Variants in TMC6 observed in about 807,000 individuals in gnomAD.
TMC6 encodes the protein transmembrane channel like 6.
In TMC6, 71 loss-of-function variants were observed where a neutral mutation model predicts 95.4. The ratio of observed to expected loss-of-function variants is 0.74; its 90% CI spans 0.61 to 0.91. The LOEUF is 0.91. Among genes scored for constraint, TMC6 ranks in the 40% least tolerant of loss-of-function variants. The pLI, the probability that TMC6 is intolerant of heterozygous loss-of-function variation, is 0.00. For synonymous variants in TMC6, 514 were observed against 483.1 expected (o/e 1.06, Z -0.84); for missense variants, 1,074 against 1,079.1 (o/e 1.00, Z 0.07).
At chr17:78,116,039 T>C (rs2074090574) in intron 18 of TMC6, among the ~76,000 whole-genome samples, 1 of 151,998 alleles carries the variant, frequency 6.6e-6, no homozygotes, top group Non-Finnish European at 1.5e-5. Context: ...CCTCAGCAAC[T>C]CGCTCTGTCG....
intron 18 of TMC6, among the ~76,000 whole-genome samples, chr17:78,114,866 C>T (rs953911397): frequency 7.9e-5 from 12 of 152,022 alleles, no homozygotes; most frequent in Non-Finnish European, 1.5e-4. Context: ...GGGTAGACAC[C>T]ACAGCCAGCA....
rs1272120073 is a variant in TMC6 at position 78,124,506 on chromosome 17, G to C, written c.891+18C>G. 4.4e-6 allele frequency: 7 copies of C among 1,606,966 alleles called. No individual in the cohort carries two copies. Among genetic ancestry groups the C allele is most frequent in the Non-Finnish European group, 5.9e-6 (7 of 1,179,742 alleles). ...GAAGACAGGCACCCCCCGTCCCCCA[G>C]TCCTAGGGCTTCCTCACCGCGCCTG... is the stretch of plus-strand genomic sequence containing the variant. On this transcript the variant is annotated intron_variant, in intron 8 of 19. Coordinates refer to ENST00000590602, the MANE Select transcript of TMC6 (RefSeq NM_001127198.5).
intron 5 of TMC6, 78 bp from the exon 6 acceptor site, chr17:78,125,341 CTG>C: frequency 7.7e-7 from 1 of 1,292,738 alleles, no homozygotes; most frequent in Non-Finnish European, 1.1e-6. Flanking sequence ...CTGGTCAGGC[CTG>C]TGTGTCCCTG....
chr17:78,114,636 G>A (rs1269705219), intron 18 of TMC6, among the ~76,000 whole-genome samples: 1 of 150,258 alleles, frequency 6.7e-6, no homozygotes, highest in Non-Finnish European at 1.5e-5. Flanking sequence ...GTTCTGTCAA[G>A]AGCCACACGG....
In TMC6 at chr17:78,109,323, T is replaced by C. The variant is rs2144776237; in HGVS notation, c.*3825A>G. The C allele has an allele frequency of 2.6e-6, 1 of 383,478 alleles. No individual in the cohort carries two copies. The highest frequency in any genetic ancestry group is 7.4e-5 in the East Asian group (1 of 13,566). 23.8% of individuals were successfully genotyped at this position (383,478 alleles called of 1,614,324 possible). The stretch of plus-strand genomic sequence containing the variant: ...ACAGTGGGGCATCCCGAGAAGATCC[T>C]CTGCAGGAGTGCGGTGTCTACGGAT... On this transcript the variant is annotated 3_prime_UTR_variant, in exon 20 of 20. Coordinates refer to ENST00000590602, the MANE Select transcript of TMC6 (RefSeq NM_001127198.5).
At chr17:78,131,609 G>A (rs1287980616), upstream of TMC6, 7 of 1,548,474 alleles carry the variant, frequency 4.5e-6, no homozygotes, top group South Asian at 4.8e-5. Context: ...CGCGGTCGGT[G>A]TCATCGGAGC....
At chr17:78,123,851 G>A (rs1429681632) in intron 9 of TMC6, 138 bp downstream of exon 9, 11 of 1,168,190 alleles carry the variant, frequency 9.4e-6, no homozygotes, top group Non-Finnish European at 1.2e-5. Context: ...GTGGATAGTT[G>A]GATAGGTGAG....
chr17:78,108,300 C>G lies in TMC6; in HGVS notation c.*4848G>C, dbSNP rs976132450. The G allele has an allele frequency of 2.8e-4, 44 of 154,462 alleles. No homozygotes were observed. The highest frequency in any genetic ancestry group is 1.0e-3 in the African/African-American group (43 of 41,480). 9.6% of individuals were successfully genotyped at this position (154,462 alleles called of 1,614,324 possible). A position where few individuals can be genotyped will look rare whatever the true frequency, so the allele number is the denominator to read the frequency against. Reference sequence around the variant, plus strand: ...TGGTGTGCTGCTGGCTCTGACCATACTCTTTTGGAAATTGAGAAGGAAAGC... The same window carrying G: ...TGGTGTGCTGCTGGCTCTGACCATAGTCTTTTGGAAATTGAGAAGGAAAGC... On this transcript the variant is annotated 3_prime_UTR_variant, in exon 20 of 20. Coordinates refer to ENST00000590602, the MANE Select transcript of TMC6 (RefSeq NM_001127198.5).
intron 5 of TMC6, 102 bp from the exon 6 acceptor site, chr17:78,125,365 C>A: frequency 9.6e-7 from 1 of 1,047,080 alleles, no homozygotes; most frequent in Non-Finnish European, 1.4e-6. Flanking sequence ...GGCACCGTCC[C>A]GAGACACCTC....
intron 13 of TMC6, chr17:78,119,952 A>C (rs868197168): frequency 4.5e-5 from 16 of 353,416 alleles, no homozygotes; most frequent in South Asian, 1.6e-4. Context: ...CGGGCCTCCT[A>C]CTGATTTTTT....
upstream of TMC6, chr17:78,132,318 C>T (rs531747560): frequency 1.2e-6 from 2 of 1,609,284 alleles, no homozygotes; most frequent in East Asian, 2.2e-5. Flanking sequence ...GCCCCAGCCC[C>T]GGCCCCGGCC....
intron 12 of TMC6, 49 bp from the exon 13 acceptor site, chr17:78,120,881 A>C: frequency 6.2e-7 from 1 of 1,610,898 alleles, no homozygotes; most frequent in Non-Finnish European, 8.5e-7. Context: ...AGGGGACAGA[A>C]GATGCACCCC....
Position 78,117,800 on chromosome 17 carries a change from A to G in TMC6, c.2021+2T>C, listed in dbSNP as rs775879223. ...GGGTCTCCCTCCACCCGCCCCACTC[A>G]CTGCCAGACGGCGTAGCAGAGGAAG... is the stretch of plus-strand genomic sequence containing the variant. On this transcript the variant is annotated splice_donor_variant, in intron 16 of 19. Coordinates refer to ENST00000590602, the MANE Select transcript of TMC6 (RefSeq NM_001127198.5). LOFTEE classifies it high-confidence loss of function. 1 of 1,605,780 alleles carries G rather than the reference A, an allele frequency of 6.2e-7. No individual in the cohort carries two copies.
At chr17:78,127,041 G>A (rs1008740733) in intron 1 of TMC6, 135 bp from the exon 2 acceptor site, 3 of 643,578 alleles carry the variant, frequency 4.7e-6, no homozygotes, top group East Asian at 2.7e-5. Flanking sequence ...ATCACCCCAG[G>A]TACATAAATG....
rs1389564735 is a variant in TMC6 at position 78,126,839 on chromosome 17, G to A, written c.-7C>T. 1.2e-6 allele frequency: 2 copies of A among 1,612,036 alleles called. No individual in the cohort carries two copies. Among genetic ancestry groups the A allele is most frequent in the Non-Finnish European group, 1.7e-6 (2 of 1,179,830 alleles). On this transcript the variant is annotated 5_prime_UTR_variant, in exon 2 of 20. Transcript: ENST00000590602. ...AGGCCAGTGGCTGGGCCATGTCTCT[G>A]GCCAATGCCCGCTAGTCTGCAGACC...
intron 18 of TMC6, among the ~76,000 whole-genome samples, chr17:78,116,334 T>C (rs1034798668): frequency 6.7e-6 from 1 of 149,332 alleles, no homozygotes; most frequent in Non-Finnish European, 1.5e-5. Context: ...TGGAGCGCAG[T>C]GGCACAATCA....
chr17:78,131,141 A>C, upstream of TMC6: 1 of 246,626 alleles, frequency 4.1e-6, no homozygotes. Context: ...TGCCACGTGG[A>C]GAAGAGAGGG....
At position 78,113,196 on chromosome 17, in the gene TMC6, C is replaced by A; in HGVS notation, c.2370G>T (p.Glu790Asp). Residue 790 changes from glutamate to aspartate, a missense_variant, in exon 20 of 20, where the codon GAG becomes GAT. Physicochemically the swap from Glu to Asp is conservative, Grantham distance 45. Coordinates refer to ENST00000590602, the MANE Select transcript of TMC6 (RefSeq NM_001127198.5). ...GCAGGGCAGGGGGTGCCGCAGCCTC[C>A]TCGGTTGTCCCAACCCTGCCAGAAA... Reference protein sequence around the residue: ...REERSRVGTTEEAAAPPALLT... With the variant: ...REERSRVGTTDEAAAPPALLT... The A allele has an allele frequency of 6.4e-7, 1 of 1,556,906 alleles. No individual in the cohort carries two copies. Among genetic ancestry groups the A allele is most frequent in the East Asian group, 2.4e-5 (1 of 42,264 alleles).
intron 18 of TMC6, among the ~76,000 whole-genome samples, chr17:78,115,433 G>A (rs1013955789): frequency 6.6e-6 from 1 of 152,184 alleles, no homozygotes; most frequent in African/African-American, 2.4e-5. Context: ...GGAGCCCTAG[G>A]GGGAGGGCAG....
Sources: gnomAD v4.1 joint callset for allele counts (sites outside exome capture counted in the v4.1 genomes callset) on GRCh38, gnomAD v4.1.1 for gene constraint, MANE v1.5 for transcripts, NCBI Gene and HGNC (gene_info 2026-07-23, HGNC 2026-07-21) for gene names.